PPP1R14C: variants seen among roughly 807,000 people sequenced by gnomAD.
PPP1R14C encodes the protein protein phosphatase 1 regulatory subunit 14C.
In PPP1R14C, 16 loss-of-function variants were observed where a neutral mutation model predicts 20.4. That is an observed-to-expected ratio of 0.78 (90% CI 0.53 to 1.19). The LOEUF is 1.19. Among genes scored for constraint, PPP1R14C ranks in the 50% most tolerant of loss-of-function variants. PPP1R14C has a pLI of 0.00. For synonymous variants in PPP1R14C, 91 were observed against 91.0 expected (o/e 1.00, Z 0.00); for missense variants, 211 against 220.1 (o/e 0.96, Z 0.26).
intron 1 of PPP1R14C, among the ~76,000 whole-genome samples, chr6:150,152,331 C>G (rs907604391): frequency 6.6e-6 from 1 of 152,146 alleles, no homozygotes; most frequent in Admixed American, 6.5e-5. Flanking sequence ...TGTCCCTGCT[C>G]CAGCTCCCCA....
chr6:150,171,861 A>C (rs1054173977), intron 1 of PPP1R14C, among the ~76,000 whole-genome samples: 1 of 151,904 alleles, frequency 6.6e-6, no homozygotes, highest in Non-Finnish European at 1.5e-5. Flanking sequence ...GCTGGAGTGC[A>C]GTGGTGCGGT....
At chr6:150,168,953 T>A (rs1327826176) in intron 1 of PPP1R14C, among the ~76,000 whole-genome samples, 2 of 152,244 alleles carry the variant, frequency 1.3e-5, no homozygotes, top group African/African-American at 4.8e-5. Flanking sequence ...CTTGGCTCAC[T>A]GCAACATCTG....
chr6:150,224,634 C>T (rs9371833), intron 3 of PPP1R14C, among the ~76,000 whole-genome samples: 2,549 of 152,310 alleles, frequency 0.017, 77 homozygotes, highest in East Asian at 0.15. Flanking sequence ...TTCCATCTCT[C>T]TACTTACATT....
At chr6:150,164,244 G>A (rs1777401542) in intron 1 of PPP1R14C, among the ~76,000 whole-genome samples, 2 of 152,150 alleles carry the variant, frequency 1.3e-5, no homozygotes, top group South Asian at 4.1e-4. Flanking sequence ...GGTTTGGGTT[G>A]TCTTTTATAT....
chr6:150,189,650 G>T (rs1262132797), intron 1 of PPP1R14C, among the ~76,000 whole-genome samples: 1 of 151,910 alleles, frequency 6.6e-6, no homozygotes, highest in Non-Finnish European at 1.5e-5. Flanking sequence ...GGCTAAACTC[G>T]TCATTTTGAT....
intron 3 of PPP1R14C, among the ~76,000 whole-genome samples, chr6:150,220,835 T>A (rs781224356): frequency 6.6e-6 from 1 of 152,252 alleles, no homozygotes; most frequent in Non-Finnish European, 1.5e-5. Context: ...GGAGCCATGC[T>A]GTTCAATGAA....
intron 3 of PPP1R14C, among the ~76,000 whole-genome samples, chr6:150,224,683 G>A (rs2114919075): frequency 6.6e-6 from 1 of 152,210 alleles, no homozygotes; most frequent in South Asian, 2.1e-4. Flanking sequence ...TTATCTATCG[G>A]AGCCCTTAGC....
At chr6:150,161,439 C>G (rs1777366934) in intron 1 of PPP1R14C, among the ~76,000 whole-genome samples, 1 of 152,142 alleles carries the variant, frequency 6.6e-6, no homozygotes, top group Non-Finnish European at 1.5e-5. Flanking sequence ...ACAAATATTT[C>G]CATTTGTAAC....
At chr6:150,228,260 A>C (rs1778252292) in intron 3 of PPP1R14C, among the ~76,000 whole-genome samples, 2 of 152,228 alleles carry the variant, frequency 1.3e-5, no homozygotes, top group Non-Finnish European at 2.9e-5. Context: ...TGTCCAAAAG[A>C]CTGCTGTCAC....
At chr6:150,230,451 G>A (rs948275169) in intron 3 of PPP1R14C, among the ~76,000 whole-genome samples, 8 of 152,182 alleles carry the variant, frequency 5.3e-5, no homozygotes, top group African/African-American at 1.9e-4. Context: ...CAACACGTGG[G>A]GAGTTGCATG....
intron 3 of PPP1R14C, among the ~76,000 whole-genome samples, chr6:150,244,101 T>C (rs1385146468): frequency 1.3e-5 from 2 of 152,114 alleles, no homozygotes; most frequent in African/African-American, 4.8e-5. Context: ...GATAGTATGC[T>C]TGTGGTTGTT....
At chr6:150,180,630 C>T in intron 1 of PPP1R14C, among the ~76,000 whole-genome samples, 1 of 152,076 alleles carries the variant, frequency 6.6e-6, no homozygotes, top group Non-Finnish European at 1.5e-5. Flanking sequence ...CATAGCTGTT[C>T]TTGGAAGAGT....
chr6:150,182,822 T>C (rs1777636675), intron 1 of PPP1R14C, among the ~76,000 whole-genome samples: 1 of 152,196 alleles, frequency 6.6e-6, no homozygotes. Flanking sequence ...GTGAACATCA[T>C]AGAGTGAACT....
At chr6:150,176,741 G>A (rs1413458422) in intron 1 of PPP1R14C, among the ~76,000 whole-genome samples, 1 of 152,214 alleles carries the variant, frequency 6.6e-6, no homozygotes, top group African/African-American at 2.4e-5. Flanking sequence ...TAATGAGTGA[G>A]GCCCAGGTAA....
At chr6:150,229,934 G>C (rs1354829548) in intron 3 of PPP1R14C, among the ~76,000 whole-genome samples, 1 of 152,120 alleles carries the variant, frequency 6.6e-6, no homozygotes, top group African/African-American at 2.4e-5. Context: ...GGGCGAGAGG[G>C]CTTGCTGTGG....
intron 3 of PPP1R14C, among the ~76,000 whole-genome samples, chr6:150,226,275 A>G (rs1778229249): frequency 6.6e-6 from 1 of 152,248 alleles, no homozygotes; most frequent in African/African-American, 2.4e-5. Flanking sequence ...TGCCATTTCT[A>G]ATGTAGTGAA....
intron 1 of PPP1R14C, among the ~76,000 whole-genome samples, chr6:150,209,994 T>G (rs1487267993): frequency 2.6e-5 from 4 of 151,910 alleles, no homozygotes; most frequent in Non-Finnish European, 5.9e-5. Context: ...TGTGTATATA[T>G]TTGTGTATGT....
intron 1 of PPP1R14C, among the ~76,000 whole-genome samples, chr6:150,153,219 AT>A (rs1251005274): frequency 6.6e-6 from 1 of 152,246 alleles, no homozygotes; most frequent in Non-Finnish European, 1.5e-5. Flanking sequence ...CATGATGTGC[AT>A]TTCAGAAATG....
intron 1 of PPP1R14C, among the ~76,000 whole-genome samples, chr6:150,207,584 A>G (rs1746619517): frequency 6.6e-6 from 1 of 152,218 alleles, no homozygotes; most frequent in Admixed American, 6.5e-5. Flanking sequence ...TAAGAAAATC[A>G]AAGTTTATTT....
Sources: allele counts gnomAD v4.1 joint callset (sites outside exome capture counted in the v4.1 genomes callset), GRCh38; gene constraint gnomAD v4.1.1; transcripts MANE v1.5; gene names NCBI Gene and HGNC (gene_info 2026-07-23, HGNC 2026-07-21).